RYK: variants seen among roughly 807,000 people sequenced by gnomAD.
The protein encoded by RYK is receptor like tyrosine kinase.
In RYK, 21 loss-of-function variants were observed where a neutral mutation model predicts 70.2. The ratio of observed to expected loss-of-function variants is 0.30; its 90% CI spans 0.21 to 0.43. RYK has a LOEUF of 0.43. RYK is among the 20% of genes least tolerant of loss of function. The probability of loss-of-function intolerance (pLI) is 1.00; values close to 1 mark genes in which losing one functional copy is unlikely to be tolerated. For missense variants in RYK, 604 were observed against 753.3 expected, an observed-to-expected ratio of 0.80 and a Z score of 2.32; for synonymous variants, 267 against 278.0, an observed-to-expected ratio of 0.96 and a Z score of 0.39.
In RYK at chr3:134,188,165, A is replaced by ATTTT. The variant is rs1278637275; in HGVS notation, c.1102+671_1102+672insAAAA. Among the ~76,000 whole-genome samples the ATTTT allele has an allele frequency of 1.2e-4, 12 of 98,904 alleles. No individual in the cohort carries two copies. In the East Asian group the frequency reaches 1.5e-3, roughly 12 times the overall value. 64.9% of individuals were successfully genotyped at this position (98,904 alleles called of 152,430 possible). ...ACAATCTAACAATATATATATATATATATTTTTTTTTTTTTTTGAGACAGA... is the reference window on the plus strand; with the variant it reads ...ACAATCTAACAATATATATATATATATTTTTATTTTTTTTTTTTTTTGAGACAGA... On this transcript the variant is annotated intron_variant, in intron 9 of 14. Transcript: ENST00000623711.
At chr3:134,192,318 G>A (rs1389771672) in intron 7 of RYK, among the ~76,000 whole-genome samples, 1 of 152,004 alleles carries the variant, frequency 6.6e-6, no homozygotes, top group Non-Finnish European at 1.5e-5. Flanking sequence ...CTTATGGACA[G>A]TTTTTCTCCC....
In RYK at chr3:134,188,867, C is replaced by T. The variant is rs772908060; in HGVS notation, c.1072G>A (p.Glu358Lys). ...ACTGTTTTGACAAATGCTTGTTTTT[C>T]TTTATTTGGATCTTTTTCATCTATT... ...ILIDEKDPNKEKQAFVKTVKD... is the reference protein window; with the variant it reads ...ILIDEKDPNKKKQAFVKTVKD... The change falls in exon 9 of 15, where the codon GAA becomes AAA. Residue 358 changes from glutamate to lysine, a missense_variant. Glu to Lys is a moderately conservative substitution (Grantham distance 56). Transcript: ENST00000623711. 4 of 1,580,038 alleles carry T rather than the reference C, an allele frequency of 2.5e-6. No individual in the cohort carries two copies. The highest frequency in any genetic ancestry group is 3.5e-6 in the Non-Finnish European group (4 of 1,154,520).
intron 13 of RYK, among the ~76,000 whole-genome samples, chr3:134,169,943 G>T (rs967327882): frequency 7.2e-5 from 11 of 152,122 alleles, no homozygotes; most frequent in Admixed American, 7.2e-4. Context: ...TAATGACTGT[G>T]TGTACACATT....
chr3:134,228,870 T>C (rs2014979587), intron 1 of RYK, among the ~76,000 whole-genome samples: 3 of 152,144 alleles, frequency 2.0e-5, no homozygotes, highest in South Asian at 4.1e-4. Flanking sequence ...AAGGTTATTA[T>C]CACAAAGAAA....
intron 1 of RYK, among the ~76,000 whole-genome samples, chr3:134,235,398 T>A (rs2015176561): frequency 6.6e-6 from 1 of 152,154 alleles, no homozygotes; most frequent in African/African-American, 2.4e-5. Context: ...TCTATATCTT[T>A]TCTTGTATAT....
chr3:134,191,862 A>G lies in RYK; in HGVS notation c.1002T>C (p.Asp334=), dbSNP rs762204556. The change falls in exon 8 of 15, where the codon GAT becomes GAC. Residue 334 remains aspartate, a synonymous_variant. Transcript: ENST00000623711. Reference sequence around the variant, plus strand: ...GATAATAAATACCTTCTTGGAGTACATCTTTTAGAGTTATCCTCTCTCTGG... The same window carrying G: ...GATAATAAATACCTTCTTGGAGTACGTCTTTTAGAGTTATCCTCTCTCTGG... ...AISRERITLK[D]VLQEGTFGRI... 7 of 1,608,886 alleles carry G rather than the reference A, an allele frequency of 4.4e-6. No homozygotes were observed. The Admixed American group carries it at 1.0e-4, about 23-fold the overall frequency.
intron 9 of RYK, among the ~76,000 whole-genome samples, chr3:134,183,892 A>C (rs1356556692): frequency 1.3e-5 from 2 of 152,228 alleles, no homozygotes; most frequent in Non-Finnish European, 2.9e-5. Flanking sequence ...AAGGTATATT[A>C]AATTTCAAAA....
intron 6 of RYK, among the ~76,000 whole-genome samples, chr3:134,200,455 G>C (rs958197721): frequency 6.6e-6 from 1 of 152,164 alleles, no homozygotes; most frequent in Admixed American, 6.5e-5. Flanking sequence ...ACAAACTCCA[G>C]ACACACCATC....
intron 6 of RYK, among the ~76,000 whole-genome samples, chr3:134,196,580 AAAACACACACACAC>A (rs1373583042): frequency 1.6e-5 from 2 of 127,238 alleles, no homozygotes; most frequent in Admixed American, 8.2e-5. Flanking sequence ...TCTCTGAAAC[AAAACACACACACAC>A]ACACACACAC....
chr3:134,222,587 A>G (rs1325315610), intron 1 of RYK, 48 bp from the exon 2 acceptor site: 1 of 1,395,866 alleles, frequency 7.2e-7, no homozygotes. Context: ...AATATTCTCA[A>G]AATCATCCCT....
intron 1 of RYK, among the ~76,000 whole-genome samples, chr3:134,234,745 A>G (rs748298036): frequency 7.2e-5 from 11 of 152,260 alleles, no homozygotes; most frequent in Admixed American, 1.3e-4. Context: ...TTTGTTTTTA[A>G]TAGGGGATAG....
At chr3:134,197,739 G>C (rs2013859671) in intron 6 of RYK, among the ~76,000 whole-genome samples, 1 of 152,120 alleles carries the variant, frequency 6.6e-6, no homozygotes, top group Admixed American at 6.5e-5. Context: ...TACCTCACAG[G>C]ATTTTTGTGA....
chr3:134,189,034 C>T (rs1352969077), intron 8 of RYK, 111 bp from the exon 9 acceptor site: 6 of 604,948 alleles, frequency 9.9e-6, no homozygotes, highest in Non-Finnish European at 1.7e-5. Flanking sequence ...CATATGTGAT[C>T]AACATTACTG....
chr3:134,242,345 A>T (rs892407775), intron 1 of RYK, among the ~76,000 whole-genome samples: 1 of 152,054 alleles, frequency 6.6e-6, no homozygotes, highest in Non-Finnish European at 1.5e-5. Context: ...TATGAAATCC[A>T]CTCAGCATTA....
chr3:134,189,316 C>T (rs2013568760), intron 8 of RYK, among the ~76,000 whole-genome samples: 2 of 152,148 alleles, frequency 1.3e-5, no homozygotes, highest in Non-Finnish European at 1.5e-5. Flanking sequence ...ACCGCAGAGC[C>T]TTAAAAAGTA....
chr3:134,179,674 A>C (rs1344934163), intron 10 of RYK: 2 of 152,240 alleles, frequency 1.3e-5, no homozygotes, highest in East Asian at 3.8e-4. Context: ...ATGGGAGATT[A>C]CAGAGCTTCC....
intron 2 of RYK, among the ~76,000 whole-genome samples, chr3:134,212,717 T>C (rs915698390): frequency 7.9e-5 from 12 of 151,974 alleles, no homozygotes; most frequent in Non-Finnish European, 1.3e-4. Flanking sequence ...ATAATAAAGA[T>C]GAAAGAAAAG....
Position 134,202,616 on chromosome 3 carries a change from G to C in RYK, c.788+114C>G. On this transcript the variant is annotated intron_variant, in intron 6 of 14. Coordinates refer to ENST00000623711, the MANE Select transcript of RYK (RefSeq NM_002958.4). Reference sequence around the variant, plus strand: ...TCATCTTATTTTTCCTTTGGCTGGGGCTTAATCATCCTCCCTCCTTTCCCT... The same window carrying C: ...TCATCTTATTTTTCCTTTGGCTGGGCCTTAATCATCCTCCCTCCTTTCCCT... The C allele has an allele frequency of 5.1e-6, 4 of 783,256 alleles. No homozygotes were observed. The South Asian group carries it at 8.1e-5, about 16-fold the overall frequency. The allele number at this position is 783,256 out of a possible 1,614,324, so 48.5% of individuals were successfully genotyped here. A position where few individuals can be genotyped will look rare whatever the true frequency, so the allele number is the denominator to read the frequency against.
At chr3:134,189,055 G>C (rs1323152515) in intron 8 of RYK, 132 bp from the exon 9 acceptor site, 1 of 506,692 alleles carries the variant, frequency 2.0e-6, no homozygotes. Flanking sequence ...TAGCCCTAGA[G>C]TAAAAAGACC....
Sources: allele counts gnomAD v4.1 joint callset (sites outside exome capture counted in the v4.1 genomes callset), GRCh38; gene constraint gnomAD v4.1.1; transcripts MANE v1.5; gene names NCBI Gene and HGNC (gene_info 2026-07-23, HGNC 2026-07-21).